The following ZFHX4 variants were observed in gnomAD, a reference collection of about 807,000 sequenced individuals.
ZFHX4 encodes zinc finger homeobox protein 4.
In ZFHX4, 56 loss-of-function variants were observed where a neutral mutation model predicts 267.6. The ratio of observed to expected loss-of-function variants is 0.21; its 90% CI spans 0.17 to 0.26. ZFHX4 has a LOEUF of 0.26. Among genes scored for constraint, ZFHX4 ranks in the 10% least tolerant of loss-of-function variants. The probability of loss-of-function intolerance (pLI) is 1.00; values close to 1 mark genes in which losing one functional copy is unlikely to be tolerated. For synonymous variants in ZFHX4, 1,778 were observed against 1,665.6 expected (o/e 1.07, Z -1.64); for missense variants, 4,332 against 4,420.0 (o/e 0.98, Z 0.56).
chr8:76,701,551 A>G (rs2131599787), intron 1 of ZFHX4, among the ~76,000 whole-genome samples: 1 of 152,306 alleles, frequency 6.6e-6, no homozygotes, highest in East Asian at 1.9e-4. Context: ...ATGTAGAGAA[A>G]CATTGAGATG....
intron 1 of ZFHX4, among the ~76,000 whole-genome samples, chr8:76,700,326 C>T (rs1808070623): frequency 6.6e-6 from 1 of 152,098 alleles, no homozygotes; most frequent in African/African-American, 2.4e-5. Context: ...GCATTCCTTT[C>T]CCATTATTCT....
At position 76,704,457 on chromosome 8, in the gene ZFHX4, C is replaced by G. The variant is rs763309092; in HGVS notation, c.369C>G (p.Asp123Glu). 3 of 1,613,912 alleles carry G rather than the reference C, an allele frequency of 1.9e-6. No individual in the cohort carries two copies. The highest frequency in any genetic ancestry group is 2.7e-5 in the African/African-American group (2 of 74,978). ...AGATCAGCGAGTTAGAGGACAGTGA[C>G]GTGGAAAATCTAACAGGGGAGATCG... ...ESEISELEDS[D>E]VENLTGEIVY... Residue 123 changes from aspartate to glutamate, a missense_variant, in exon 2 of 11, where the codon GAC becomes GAG. Physicochemically the swap from Asp to Glu is conservative, Grantham distance 45 (BLOSUM62 2). Coordinates refer to ENST00000651372, the MANE Select transcript of ZFHX4 (RefSeq NM_024721.5).
chr8:76,765,002 C>T (rs998377587), intron 3 of ZFHX4, among the ~76,000 whole-genome samples: 1 of 152,132 alleles, frequency 6.6e-6, no homozygotes, highest in Non-Finnish European at 1.5e-5. Context: ...AATGACCCAA[C>T]TTTCAGGCAC....
intron 9 of ZFHX4, 55 bp from the exon 10 acceptor site, chr8:76,850,831 T>A (rs974831944): frequency 1.4e-6 from 2 of 1,425,708 alleles, no homozygotes; most frequent in African/African-American, 1.4e-5. Context: ...TTAATTAATA[T>A]TTAAGGAGTA....
intron 3 of ZFHX4, among the ~76,000 whole-genome samples, chr8:76,771,959 C>A (rs1314304496): frequency 6.6e-6 from 1 of 152,086 alleles, no homozygotes; most frequent in Non-Finnish European, 1.5e-5. Context: ...ACCTGAAAGA[C>A]CTGAGGAAGG....
intron 3 of ZFHX4, among the ~76,000 whole-genome samples, chr8:76,752,877 AC>A (rs1809657855): frequency 1.3e-5 from 2 of 152,230 alleles, no homozygotes; most frequent in South Asian, 4.1e-4. Flanking sequence ...TTATGTAATT[AC>A]TTTTTCGTGA....
At chr8:76,792,271 G>T (rs943069850) in intron 4 of ZFHX4, among the ~76,000 whole-genome samples, 4 of 151,914 alleles carry the variant, frequency 2.6e-5, no homozygotes, top group Non-Finnish European at 5.9e-5. Context: ...GGGGGAAGGA[G>T]GTTAAAAAAA....
chr8:76,762,295 G>A (rs557765586), intron 3 of ZFHX4, among the ~76,000 whole-genome samples: 45 of 152,144 alleles, frequency 3.0e-4, no homozygotes, highest in Non-Finnish European at 5.1e-4. Context: ...TTCTCTATTA[G>A]GCATAAGAAC....
rs541199258 is a variant in ZFHX4, at chr8:76,809,947, G to A, written c.3326-23391G>A. On this transcript the variant is annotated intron_variant, in intron 4 of 10. Transcript: ENST00000651372. ...TTATTCCGAAGACCCAGTCAAAAAT[G>A]CAAGTCCTATCATTAAACTTCTATC... 2.6e-5 allele frequency among the ~76,000 whole-genome samples: 4 copies of A among 152,052 alleles called. 1 individual carries two copies. In the South Asian group the frequency reaches 6.2e-4, roughly 24 times the overall value.
intron 3 of ZFHX4, among the ~76,000 whole-genome samples, chr8:76,721,805 G>GA (rs1808728794): frequency 6.6e-6 from 1 of 152,024 alleles, no homozygotes; most frequent in African/African-American, 2.4e-5. Flanking sequence ...CAGTATAATT[G>GA]GAGTCTTCTC....
intron 3 of ZFHX4, among the ~76,000 whole-genome samples, chr8:76,774,237 G>A (rs1810346142): frequency 6.6e-6 from 1 of 152,058 alleles, no homozygotes; most frequent in Non-Finnish European, 1.5e-5. Flanking sequence ...TGTTACTCAT[G>A]GCAGTTGTCT....
At chr8:76,826,753 T>C (rs941728063) in intron 4 of ZFHX4, among the ~76,000 whole-genome samples, 1 of 152,190 alleles carries the variant, frequency 6.6e-6, no homozygotes, top group Admixed American at 6.5e-5. Flanking sequence ...AGTTAAGTAA[T>C]AGGAGTAAGT....
chr8:76,684,939 T>C (rs775492335), intron 1 of ZFHX4, among the ~76,000 whole-genome samples: 4 of 152,210 alleles, frequency 2.6e-5, no homozygotes, highest in Non-Finnish European at 5.9e-5. Flanking sequence ...AATTTGATTA[T>C]CTCTAATAAC....
chr8:76,758,484 T>G (rs1011707344), intron 3 of ZFHX4, among the ~76,000 whole-genome samples: 2 of 152,038 alleles, frequency 1.3e-5, no homozygotes, highest in African/African-American at 4.8e-5. Flanking sequence ...AAAAGAGTTT[T>G]TTTGTTTGTT....
At chr8:76,730,708 A>T (rs1563489013) in intron 3 of ZFHX4, among the ~76,000 whole-genome samples, 1 of 152,126 alleles carries the variant, frequency 6.6e-6, no homozygotes, top group African/African-American at 2.4e-5. Flanking sequence ...GAAAAAATAA[A>T]TAAATAAATA....
chr8:76,793,102 C>T (rs1242917282), intron 4 of ZFHX4, among the ~76,000 whole-genome samples: 1 of 152,074 alleles, frequency 6.6e-6, no homozygotes, highest in Non-Finnish European at 1.5e-5. Context: ...GACACTGTAA[C>T]CATACAATAA....
At position 76,853,716 on chromosome 8, in the gene ZFHX4, G is replaced by A. The variant is rs1586013837; in HGVS notation, c.6795G>A (p.Leu2265=). The A allele has an allele frequency of 6.2e-7, 1 of 1,613,706 alleles. No homozygotes were observed. The change falls in exon 10 of 11, where the codon CTG becomes CTA. Residue 2265 remains leucine (L), a synonymous_variant. Coordinates refer to ENST00000651372, the MANE Select transcript of ZFHX4 (RefSeq NM_024721.5). ...EIEQLSTVLN[L]PTRVIVVWFQ... is the part of the protein sequence containing the mutation. ...AACAACTCTCCACTGTTCTCAATCT[G>A]CCTACCCGGGTTATTGTTGTATGGT...
chr8:76,819,271 T>A (rs905414691), intron 4 of ZFHX4, among the ~76,000 whole-genome samples: 2 of 152,118 alleles, frequency 1.3e-5, no homozygotes, highest in African/African-American at 4.8e-5. Flanking sequence ...GAGCTTATGT[T>A]AGCCTATTAA....
chr8:76,736,250 G>A (rs1202684270), intron 3 of ZFHX4, among the ~76,000 whole-genome samples: 1 of 151,600 alleles, frequency 6.6e-6, no homozygotes, highest in Admixed American at 6.6e-5. Context: ...TGTGTAAAAT[G>A]AATGGATAAG....
Sources: allele counts gnomAD v4.1 joint callset (sites outside exome capture counted in the v4.1 genomes callset), GRCh38; gene constraint gnomAD v4.1.1; transcripts MANE v1.5; gene names NCBI Gene and HGNC (gene_info 2026-07-23, HGNC 2026-07-21).